The following CEP41 variants were observed in gnomAD, a reference collection of about 807,000 sequenced individuals.
CEP41 encodes the protein centrosomal protein of 41 kDa.
In CEP41, 32 loss-of-function variants were observed where a neutral mutation model predicts 44.3. The observed-to-expected ratio is 0.72, with a 90% CI of 0.54 to 0.97. The LOEUF is 0.97. Ranked by LOEUF, CEP41 falls within the 50% of genes least tolerant of loss-of-function variation. The pLI is 0.00. For synonymous variants in CEP41, 151 were observed against 168.5 expected, an observed-to-expected ratio of 0.90 and a Z score of 0.80; for missense variants, 432 against 455.2, an observed-to-expected ratio of 0.95 and a Z score of 0.46.
chr7:130,397,421 T>C lies in CEP41; in HGVS notation c.*1470A>G, dbSNP rs1326822501. On this transcript the variant is annotated 3_prime_UTR_variant, in exon 11 of 11. Coordinates refer to ENST00000223208, the MANE Select transcript of CEP41 (RefSeq NM_018718.3). ...AACAGAACTGGGCTGAATCTGAAAG[T>C]TATTTTTCCATATGTCTCTATGAGA... 6 of 446,824 alleles carry C rather than the reference T, an allele frequency of 1.3e-5. No individual in the cohort carries two copies. Among genetic ancestry groups the C allele is most frequent in the African/African-American group, 2.0e-5 (1 of 49,526 alleles). The allele number at this position is 446,824 out of a possible 1,614,324, so 27.7% of individuals were successfully genotyped here.
intron 1 of CEP41, among the ~76,000 whole-genome samples, chr7:130,432,829 C>A (rs782142175): frequency 2.5e-4 from 38 of 151,982 alleles, no homozygotes; most frequent in Non-Finnish European, 4.6e-4. Flanking sequence ...GGAGAGAGAC[C>A]TGGGCTAGAA....
chr7:130,421,269 T>C, intron 2 of CEP41: 1 of 985,432 alleles, frequency 1.0e-6, no homozygotes, highest in Non-Finnish European at 1.2e-6. Flanking sequence ...GCAGCAGTAA[T>C]CTAAAGTAGA....
chr7:130,413,090 C>A lies in CEP41; in HGVS notation c.146-850G>T, dbSNP rs553091541. Among the ~76,000 whole-genome samples, 8 of 152,238 alleles carry A rather than the reference C, an allele frequency of 5.3e-5. No homozygotes were observed. In the South Asian group the frequency reaches 1.7e-3, roughly 32 times the overall value. On this transcript the variant is annotated intron_variant, in intron 3 of 10. Transcript: ENST00000223208. Reference sequence around the variant, plus strand: ...CTCTGCCACCTCCGCCTCTCAGGTTCGAGGGATTCTCCTGCTTCAGCCTCC... The same window carrying A: ...CTCTGCCACCTCCGCCTCTCAGGTTAGAGGGATTCTCCTGCTTCAGCCTCC...
intron 2 of CEP41, among the ~76,000 whole-genome samples, chr7:130,418,866 T>C (rs1452252186): frequency 6.6e-6 from 1 of 152,176 alleles, no homozygotes; most frequent in African/African-American, 2.4e-5. Context: ...CCAGTCTTTA[T>C]TATTGAAACA....
chr7:130,395,148 G>T lies in CEP41; in HGVS notation c.*3743C>A. 2.2e-6 allele frequency: 1 copy of T among 453,938 alleles called. No homozygotes were observed. The highest frequency in any genetic ancestry group is 1.6e-5 in the South Asian group (1 of 64,426). 28.1% of individuals were successfully genotyped at this position (453,938 alleles called of 1,614,324 possible). ...TAACTGACCTGTGTATCCATTTAAA[G>T]ATGTCATAATAATAATTTCAATAAT... On this transcript the variant is annotated 3_prime_UTR_variant, in exon 11 of 11. Coordinates refer to ENST00000223208, the MANE Select transcript of CEP41 (RefSeq NM_018718.3).
At chr7:130,416,796 G>C (rs1253117365) in intron 3 of CEP41, 123 bp downstream of exon 3, 1 of 816,256 alleles carries the variant, frequency 1.2e-6, no homozygotes, top group African/African-American at 1.7e-5. Flanking sequence ...CACCTGCTAG[G>C]CTTATCGGAC....
chr7:130,415,868 T>C (rs1797320431), intron 3 of CEP41, among the ~76,000 whole-genome samples: 1 of 151,982 alleles, frequency 6.6e-6, no homozygotes, highest in Non-Finnish European at 1.5e-5. Flanking sequence ...TACATATACT[T>C]ATGTAATATA....
Position 130,396,191 on chromosome 7 carries a change from G to C in CEP41, c.*2700C>G, listed in dbSNP as rs781820219. The C allele has an allele frequency of 4.4e-6, 2 of 454,006 alleles. No homozygotes were observed. The highest frequency in any genetic ancestry group is 3.1e-5 in the South Asian group (2 of 64,470). The allele number at this position is 454,006 out of a possible 1,614,324, so 28.1% of individuals were successfully genotyped here. A position where few individuals can be genotyped will look rare whatever the true frequency, so the allele number is the denominator to read the frequency against. On this transcript the variant is annotated 3_prime_UTR_variant, in exon 11 of 11. Coordinates refer to ENST00000223208, the MANE Select transcript of CEP41 (RefSeq NM_018718.3). ...GGCCATCACTGCTGTTCAGGGTGCT[G>C]TAGTTGTACATCGATGAAGCACCTT...
In CEP41 at chr7:130,396,269, C is replaced by T. The variant is rs775997340; in HGVS notation, c.*2622G>A. 3.7e-5 allele frequency: 17 copies of T among 453,942 alleles called. No individual in the cohort carries two copies. Among genetic ancestry groups the T allele is most frequent in the East Asian group, 6.9e-5 (1 of 14,408 alleles). 28.1% of individuals were successfully genotyped at this position (453,942 alleles called of 1,614,324 possible). A position where few individuals can be genotyped will look rare whatever the true frequency, so the allele number is the denominator to read the frequency against. On this transcript the variant is annotated 3_prime_UTR_variant, in exon 11 of 11. Transcript: ENST00000223208. The stretch of plus-strand genomic sequence containing the variant: ...AAGGGCAGCTAGTCAACCCCTGAGA[C>T]GCTGGTAGGAAGCCATGATCCAGTT...
chr7:130,427,307 A>C (rs1368066533), intron 2 of CEP41, among the ~76,000 whole-genome samples: 2 of 152,174 alleles, frequency 1.3e-5, no homozygotes, highest in African/African-American at 4.8e-5. Flanking sequence ...AAAACCTCAC[A>C]AGACTGAAAA....
At chr7:130,399,857 T>C in intron 10 of CEP41, 182 bp downstream of exon 10, 2 of 610,480 alleles carry the variant, frequency 3.3e-6, no homozygotes, top group South Asian at 3.8e-5. Flanking sequence ...ATAAAGTCTC[T>C]CTTCAATGCG....
intron 5 of CEP41, among the ~76,000 whole-genome samples, chr7:130,409,414 T>TG (rs1230495468): frequency 2.6e-5 from 4 of 152,246 alleles, no homozygotes; most frequent in Non-Finnish European, 5.9e-5. Flanking sequence ...CAGTTAAAAT[T>TG]GGAGTACTTG....
At position 130,393,875 on chromosome 7, in the gene CEP41, A is replaced by C. The variant is rs560863335; in HGVS notation, c.*5016T>G. Reference sequence around the variant, plus strand: ...AAAAGTTTGTAATTCTCATTCCTTAAGTGGTACTTTGCAAGGTGTCCATTA... The same window carrying C: ...AAAAGTTTGTAATTCTCATTCCTTACGTGGTACTTTGCAAGGTGTCCATTA... On this transcript the variant is annotated 3_prime_UTR_variant, in exon 11 of 11. Coordinates refer to ENST00000223208, the MANE Select transcript of CEP41 (RefSeq NM_018718.3). The C allele has an allele frequency of 7.3e-5, 33 of 454,104 alleles. No individual in the cohort carries two copies. The highest frequency in any genetic ancestry group is 5.2e-4 in the African/African-American group (26 of 50,120). The allele number at this position is 454,104 out of a possible 1,614,324, so 28.1% of individuals were successfully genotyped here. A position where few individuals can be genotyped will look rare whatever the true frequency, so the allele number is the denominator to read the frequency against.
rs1796662902 is a variant in CEP41 at position 130,396,540 on chromosome 7, A to C, written c.*2351T>G. On this transcript the variant is annotated 3_prime_UTR_variant, in exon 11 of 11. Transcript: ENST00000223208. ...ATTAATAGCAAACGACAAATTAGTA[A>C]CTATGTACTTTAATCTTCAACATTC... 1 of 454,466 alleles carries C rather than the reference A, an allele frequency of 2.2e-6. No individual in the cohort carries two copies. 28.2% of individuals were successfully genotyped at this position (454,466 alleles called of 1,614,324 possible).
At chr7:130,400,415 C>G in intron 9 of CEP41, 161 bp from the exon 10 acceptor site, 1 of 682,646 alleles carries the variant, frequency 1.5e-6, no homozygotes, top group African/African-American at 1.8e-5. Context: ...GCAAATTATA[C>G]CAGAAAATAT....
intron 1 of CEP41, 132 bp downstream of exon 1, chr7:130,440,802 C>G: frequency 2.6e-6 from 2 of 761,910 alleles, no homozygotes; most frequent in Admixed American, 1.8e-5. Context: ...CCCCTGCATC[C>G]CGACCCCTCC....
Position 130,427,863 on chromosome 7 carries a change from AGCT to A in CEP41, c.97+89_97+91del. 6.1e-6 allele frequency: 5 copies of A among 814,346 alleles called. No individual in the cohort carries two copies. In the Admixed American group the frequency reaches 9.9e-5, roughly 16 times the overall value. The allele number at this position is 814,346 out of a possible 1,614,324, so 50.4% of individuals were successfully genotyped here. ...TCAGGCAAAACAGTGAGAAACTTTTAGCTGTGATTTATACCAGATATGTGGGGT... is the reference window on the plus strand; with the variant it reads ...TCAGGCAAAACAGTGAGAAACTTTTAGTGATTTATACCAGATATGTGGGGT... On this transcript the variant is annotated intron_variant, in intron 2 of 10. Transcript: ENST00000223208.
At chr7:130,426,137 A>G (rs1473378564) in intron 2 of CEP41, among the ~76,000 whole-genome samples, 1 of 152,202 alleles carries the variant, frequency 6.6e-6, no homozygotes, top group Non-Finnish European at 1.5e-5. Context: ...TGTTACCTCT[A>G]TGGGAAACTG....
intron 1 of CEP41, among the ~76,000 whole-genome samples, chr7:130,439,857 C>G (rs1383510735): frequency 6.6e-6 from 1 of 152,164 alleles, no homozygotes; most frequent in Non-Finnish European, 1.5e-5. Flanking sequence ...CGGGATGATG[C>G]TTCACCTGGC....
Sources: gnomAD v4.1 joint callset for allele counts (sites outside exome capture counted in the v4.1 genomes callset) on GRCh38, gnomAD v4.1.1 for gene constraint, MANE v1.5 for transcripts, NCBI Gene and HGNC (gene_info 2026-07-23, HGNC 2026-07-21) for gene names.